RAB27B: variants seen among roughly 807,000 people sequenced by gnomAD.
RAB27B encodes ras-related protein Rab-27B.
A neutral mutation model predicts 24.6 loss-of-function variants in RAB27B; 15 were observed. The observed-to-expected ratio is 0.61, with a 90% CI of 0.41 to 0.94. The LOEUF is 0.94. Among genes scored for constraint, RAB27B ranks in the 40% least tolerant of loss-of-function variants. The pLI, the probability that RAB27B is intolerant of heterozygous loss-of-function variation, is 0.00. For missense variants in RAB27B, 261 were observed against 266.8 expected (o/e 0.98, Z 0.15); for synonymous variants, 105 against 92.5 (o/e 1.14, Z -0.78).
chr18:54,824,380 A>G (rs1598932840), upstream of RAB27B, among the ~76,000 whole-genome samples: 1 of 152,222 alleles, frequency 6.6e-6, no homozygotes, highest in East Asian at 1.9e-4. Context: ...AACTGTGGTA[A>G]CAACTCTAAA....
intron 2 of RAB27B, among the ~76,000 whole-genome samples, chr18:54,752,696 T>C (rs371741692): frequency 2.6e-5 from 4 of 152,324 alleles, no homozygotes; most frequent in African/African-American, 9.6e-5. Flanking sequence ...AGTTTCTGTG[T>C]TCCTCCCAGC....
At position 54,725,724 on chromosome 18, in the gene RAB27B, T is replaced by C. The variant is rs1007586894; in HGVS notation, c.-20+7583T>C. ...TCAGATATCGTGAGAACTAACTCAC[T>C]ATCACGAGAATAGGACGAGGGAAAC... is the stretch of plus-strand genomic sequence containing the variant. On this transcript the variant is annotated intron_variant, in intron 2 of 4. Coordinates refer to the RAB27B transcript ENST00000586570. Among the ~76,000 whole-genome samples, 6 of 151,430 alleles carry C rather than the reference T, an allele frequency of 4.0e-5. 1 individual carries two copies. Among genetic ancestry groups the C allele is most frequent in the Non-Finnish European group, 7.4e-5 (5 of 67,750 alleles).
intron 2 of RAB27B, among the ~76,000 whole-genome samples, chr18:54,787,069 C>T (rs73476653): frequency 0.013 from 2,039 of 152,286 alleles, 44 homozygotes; most frequent in African/African-American, 0.045. Flanking sequence ...TAGTGAAGCT[C>T]GGAAACCTCC....
intron 1 of RAB27B, among the ~76,000 whole-genome samples, chr18:54,854,180 TA>T (rs1234784870): frequency 1.3e-5 from 2 of 152,200 alleles, no homozygotes; most frequent in African/African-American, 4.8e-5. Flanking sequence ...TGAGACCAGT[TA>T]AAATACAGAT....
At chr18:54,823,435 A>C (rs1052066350) in intron 2 of RAB27B, among the ~76,000 whole-genome samples, 7 of 152,152 alleles carry the variant, frequency 4.6e-5, no homozygotes, top group African/African-American at 1.4e-4. Context: ...GTCAAGAGAA[A>C]TTTTTAAGAG....
chr18:54,874,269 G>A (rs529452270), intron 1 of RAB27B, among the ~76,000 whole-genome samples: 23 of 152,182 alleles, frequency 1.5e-4, no homozygotes, highest in East Asian at 1.3e-3. Context: ...TTCCTCTGCA[G>A]TCTTCTTGGA....
chr18:54,727,058 C>T (rs1222318731), intron 2 of RAB27B, among the ~76,000 whole-genome samples: 1 of 152,348 alleles, frequency 6.6e-6, no homozygotes, highest in African/African-American at 2.4e-5. Flanking sequence ...TCTCAGCTCA[C>T]TGCAACCTCC....
chr18:54,861,563 T>G (rs913551896), intron 1 of RAB27B, among the ~76,000 whole-genome samples: 2 of 152,128 alleles, frequency 1.3e-5, no homozygotes, highest in Admixed American at 6.5e-5. Flanking sequence ...TCTTTATGAG[T>G]GTGGTCTACT....
chr18:54,809,046 AT>A (rs1433940518), intron 2 of RAB27B, among the ~76,000 whole-genome samples: 1 of 152,088 alleles, frequency 6.6e-6, no homozygotes, highest in Non-Finnish European at 1.5e-5. Context: ...TTTGGTTGAA[AT>A]TTTCCCCCAT....
At position 54,893,235 on chromosome 18, in the gene RAB27B, A is replaced by T. The variant is rs1913439504; in HGVS notation, c.*3822A>T. 1 of 152,050 alleles carries T rather than the reference A, an allele frequency of 6.6e-6. No homozygotes were observed. The highest frequency in any genetic ancestry group is 1.5e-5 in the Non-Finnish European group (1 of 67,942). The allele number at this position is 152,050 out of a possible 1,614,324, so 9.4% of individuals were successfully genotyped here. ...TATTACACCAAACGTTTGAGGGAAA[A>T]ATCCTCATTCGTAAAGGATTTTGGA... On this transcript the variant is annotated 3_prime_UTR_variant, in exon 6 of 6. Transcript: ENST00000262094.
chr18:54,760,752 C>A (rs1203529642), intron 2 of RAB27B, among the ~76,000 whole-genome samples: 1 of 152,114 alleles, frequency 6.6e-6, no homozygotes, highest in Non-Finnish European at 1.5e-5. Flanking sequence ...GATGGCAATT[C>A]TCTTCAGGCA....
At chr18:54,800,400 G>A (rs935949581) in intron 2 of RAB27B, among the ~76,000 whole-genome samples, 1 of 152,156 alleles carries the variant, frequency 6.6e-6, no homozygotes, top group African/African-American at 2.4e-5. Flanking sequence ...AGCCTAGATT[G>A]CAAAGAACAT....
chr18:54,718,228 G>A (rs1909250727), intron 2 of RAB27B: 1 of 152,036 alleles, frequency 6.6e-6, no homozygotes, highest in African/African-American at 2.4e-5. Flanking sequence ...AAGAGCCAAT[G>A]TGAGATGCCA....
chr18:54,895,310 GT>G lies in RAB27B; in HGVS notation c.*5902del, dbSNP rs1484036220. ...TGTAACTTAAAACTATAAACTTGAA[GT>G]TTTTATTCTATATGCCCCTTAATAG... On this transcript the variant is annotated 3_prime_UTR_variant, in exon 6 of 6. Coordinates refer to ENST00000262094, the MANE Select transcript of RAB27B (RefSeq NM_004163.4). 2.6e-5 allele frequency: 4 copies of G among 151,966 alleles called. No homozygotes were observed. The highest frequency in any genetic ancestry group is 9.7e-5 in the African/African-American group (4 of 41,408). The allele number at this position is 151,966 out of a possible 1,614,324, so 9.4% of individuals were successfully genotyped here.
intron 2 of RAB27B, among the ~76,000 whole-genome samples, chr18:54,813,432 T>A (rs186469529): frequency 5.1e-4 from 78 of 152,328 alleles, no homozygotes; most frequent in African/African-American, 1.7e-3. Flanking sequence ...TGTTGGGTCA[T>A]GGGTTGGATC....
In RAB27B at chr18:54,762,792, G is replaced by A. The variant is rs376826407; in HGVS notation, c.-20+44651G>A. ...CTTTATTATTCTTCTCAGTACCTAC[G>A]ACTCAGACAAATATTTTACTCCTCC... is the stretch of plus-strand genomic sequence containing the variant. On this transcript the variant is annotated intron_variant, in intron 2 of 4. Transcript: ENST00000586570. 1.1e-3 allele frequency among the ~76,000 whole-genome samples: 163 copies of A among 152,004 alleles called. 4 individuals are homozygous for A. In the South Asian group the frequency reaches 0.029, roughly 27 times the overall value.
At chr18:54,759,453 T>C (rs1908111183) in intron 2 of RAB27B, among the ~76,000 whole-genome samples, 1 of 152,154 alleles carries the variant, frequency 6.6e-6, no homozygotes, top group Non-Finnish European at 1.5e-5. Context: ...CTCTGTAGTA[T>C]GCTGAAGTGG....
rs191224149 is a variant in RAB27B, at chr18:54,806,268, T to C, written c.-19-71299T>C. 2.3e-3 allele frequency among the ~76,000 whole-genome samples: 353 copies of C among 152,138 alleles called. 2 individuals carry two copies. Among genetic ancestry groups the C allele is most frequent in the Non-Finnish European group, 1.9e-3 (130 of 68,008 alleles). ...ACTGGCTAGTATCTGAATCATCTGC[T>C]TAATGCAGAACTGCCCTCCTCTTAG... On this transcript the variant is annotated intron_variant, in intron 2 of 4. Coordinates refer to the RAB27B transcript ENST00000586570.
intron 2 of RAB27B, among the ~76,000 whole-genome samples, chr18:54,723,590 A>T (rs1318405582): frequency 6.6e-6 from 1 of 152,206 alleles, no homozygotes; most frequent in African/African-American, 2.4e-5. Context: ...TTAAGATTGT[A>T]TAATTCTGAG....
Sources: gnomAD v4.1 joint callset for allele counts (sites outside exome capture counted in the v4.1 genomes callset) on GRCh38, gnomAD v4.1.1 for gene constraint, MANE v1.5 for transcripts, NCBI Gene and HGNC (gene_info 2026-07-23, HGNC 2026-07-21) for gene names.